STAC: variants seen among roughly 807,000 people sequenced by gnomAD.
STAC encodes the protein SH3 and cysteine rich domain.
STAC carries 43 observed loss-of-function variants against 48.8 expected under a neutral mutation model. The ratio of observed to expected loss-of-function variants is 0.88; its 90% confidence interval spans 0.69 to 1.14. The LOEUF is 1.14. Ranked by LOEUF, STAC falls within the 50% of genes most tolerant of loss-of-function variation. The pLI, the probability that STAC is intolerant of heterozygous loss-of-function variation, is 0.00. For missense variants in STAC, 497 were observed against 504.0 expected, an observed-to-expected ratio of 0.99 and a Z score of 0.13; for synonymous variants, 193 against 179.5, an observed-to-expected ratio of 1.07 and a Z score of -0.60.
chr3:36,439,870 C>G (rs764074267), intron 1 of STAC, among the ~76,000 whole-genome samples: 2 of 152,196 alleles, frequency 1.3e-5, no homozygotes, highest in Admixed American at 1.3e-4. Flanking sequence ...GACTCACTGC[C>G]CTGTATCCAT....
At chr3:36,531,538 T>C (rs1456604530) in intron 10 of STAC, among the ~76,000 whole-genome samples, 3 of 152,100 alleles carry the variant, frequency 2.0e-5, no homozygotes, top group Admixed American at 1.3e-4. Context: ...CATGGAACCA[T>C]AGTAAACCAG....
intron 1 of STAC, among the ~76,000 whole-genome samples, chr3:36,401,612 T>A (rs73057906): frequency 2.0e-5 from 3 of 152,124 alleles, no homozygotes; most frequent in African/African-American, 7.2e-5. Flanking sequence ...GGAACCTGCT[T>A]CCTCCCTGTC....
At chr3:36,502,692 A>G (rs1472651770) in intron 6 of STAC, among the ~76,000 whole-genome samples, 5 of 152,192 alleles carry the variant, frequency 3.3e-5, no homozygotes, top group African/African-American at 4.8e-5. Context: ...GTCCAGTTTT[A>G]TACTTAGGGA....
At chr3:36,501,341 CAAG>C (rs1280969342) in intron 6 of STAC, among the ~76,000 whole-genome samples, 2 of 151,860 alleles carry the variant, frequency 1.3e-5, no homozygotes, top group Non-Finnish European at 2.9e-5. Flanking sequence ...ATAATAAAGA[CAAG>C]AGCAGAAATT....
At position 36,528,720 on chromosome 3, in the gene STAC, A is replaced by G. The variant is rs777505345; in HGVS notation, c.945A>G (p.Leu315=). The change falls in exon 9 of 11, where the codon TTA becomes TTG. Residue 315 remains leucine (L), a synonymous_variant. Coordinates refer to ENST00000273183, the MANE Select transcript of STAC (RefSeq NM_003149.3). The stretch of plus-strand genomic sequence containing the variant: ...GGCCAGGAGACATAATTACTCTTTT[A>G]GAGGATTCCAATGAAGACTGGTGGA... The part of the protein sequence containing the change: ...EMRPGDIITL[L]EDSNEDWWKG... 11 of 1,605,784 alleles carry G rather than the reference A, an allele frequency of 6.9e-6. 1 individual carries two copies. Among genetic ancestry groups the G allele is most frequent in the South Asian group, 4.5e-5 (4 of 88,840 alleles).
At chr3:36,500,474 A>G (rs1032917814) in intron 6 of STAC, among the ~76,000 whole-genome samples, 1 of 152,154 alleles carries the variant, frequency 6.6e-6, no homozygotes, top group East Asian at 1.9e-4. Context: ...GGAGAGTATT[A>G]GGAAAAATAG....
chr3:36,399,614 G>A (rs1699960450), intron 1 of STAC, among the ~76,000 whole-genome samples: 1 of 152,150 alleles, frequency 6.6e-6, no homozygotes, highest in South Asian at 2.1e-4. Context: ...GAGGACAGGT[G>A]GCCCAGCTGC....
rs191141691 is a variant in STAC, at chr3:36,384,882, C to A, written c.111+4128C>A. On this transcript the variant is annotated intron_variant, in intron 1 of 10. Coordinates refer to ENST00000273183, the MANE Select transcript of STAC (RefSeq NM_003149.3). The stretch of plus-strand genomic sequence containing the variant: ...TGCCCTGAATCTCCCAGAAAGATTT[C>A]TGTGTCCATCTATCAGCAATTATTT... 9.3e-4 allele frequency among the ~76,000 whole-genome samples: 142 copies of A among 152,284 alleles called. 1 individual carries two copies. The highest frequency in any genetic ancestry group is 4.6e-4 in the Admixed American group (7 of 15,294).
intron 1 of STAC, among the ~76,000 whole-genome samples, chr3:36,401,308 G>T (rs888954699): frequency 6.6e-6 from 1 of 152,196 alleles, no homozygotes; most frequent in Non-Finnish European, 1.5e-5. Context: ...CACAGCATGA[G>T]CCTGCCTTTT....
At chr3:36,448,174 TTTTATTTTATTTTACTTTATTTTAC>T (rs1272204512) in intron 2 of STAC, among the ~76,000 whole-genome samples, 20 of 142,582 alleles carry the variant, frequency 1.4e-4, no homozygotes, top group Non-Finnish European at 2.3e-4. Flanking sequence ...TTTTATTTTA[TTTTATTTTATTTTACTTTATTTTAC>T]TTTATTTTAT....
At chr3:36,446,200 C>T (rs746123501) in intron 2 of STAC, among the ~76,000 whole-genome samples, 47 of 152,336 alleles carry the variant, frequency 3.1e-4, no homozygotes, top group Middle Eastern at 3.4e-3. Context: ...TTGCCTTCAA[C>T]ACACTGCTAC....
chr3:36,383,708 A>C (rs563916074), intron 1 of STAC, among the ~76,000 whole-genome samples: 1 of 152,220 alleles, frequency 6.6e-6, no homozygotes, highest in African/African-American at 2.4e-5. Context: ...CAGCATTCAA[A>C]GTTGTCCATG....
chr3:36,515,309 A>T (rs138054895), intron 8 of STAC, among the ~76,000 whole-genome samples: 37 of 152,324 alleles, frequency 2.4e-4, no homozygotes, highest in Middle Eastern at 3.4e-3. Flanking sequence ...GGGTGGCCTC[A>T]GAGAGTATAA....
intron 1 of STAC, among the ~76,000 whole-genome samples, chr3:36,441,776 T>C: frequency 6.6e-6 from 1 of 152,238 alleles, no homozygotes; most frequent in Admixed American, 6.5e-5. Flanking sequence ...TAACAGCCAT[T>C]GTAACTGGAG....
chr3:36,533,473 A>ATTTTTT (rs1699119660), intron 10 of STAC, among the ~76,000 whole-genome samples: 1 of 73,760 alleles, frequency 1.4e-5, no homozygotes, highest in African/African-American at 5.6e-5. Flanking sequence ...TCTTGCTAGC[A>ATTTTTT]TGTTTTTTTT....
At chr3:36,543,579 T>C (rs1346398690) in intron 10 of STAC, among the ~76,000 whole-genome samples, 3 of 152,188 alleles carry the variant, frequency 2.0e-5, no homozygotes, top group Non-Finnish European at 4.4e-5. Context: ...ATGTTTCTCT[T>C]CTACATAAAA....
chr3:36,531,874 A>G lies in STAC; in HGVS notation c.1110+2889A>G, dbSNP rs949085758. Among the ~76,000 whole-genome samples, 3 of 152,248 alleles carry G rather than the reference A, an allele frequency of 2.0e-5. 1 individual carries two copies. Among genetic ancestry groups the G allele is most frequent in the Admixed American group, 1.3e-4 (2 of 15,274 alleles). On this transcript the variant is annotated intron_variant, in intron 10 of 10. Coordinates refer to ENST00000273183, the MANE Select transcript of STAC (RefSeq NM_003149.3). ...AAATATTGTGTCACCATCTTAAATG[A>G]TCATAAACCATGAACAAATAAATAT...
intron 2 of STAC, among the ~76,000 whole-genome samples, chr3:36,445,547 A>G (rs1259627776): frequency 6.6e-6 from 1 of 152,164 alleles, no homozygotes; most frequent in Non-Finnish European, 1.5e-5. Flanking sequence ...GGGCTGGTGT[A>G]TGCTCTAACT....
At position 36,508,782 on chromosome 3, in the gene STAC, C is replaced by A. The variant is rs567826640; in HGVS notation, c.920+2948C>A. 9.2e-5 allele frequency among the ~76,000 whole-genome samples: 14 copies of A among 152,222 alleles called. No homozygotes were observed. The East Asian group carries it at 2.7e-3, about 29-fold the overall frequency. On this transcript the variant is annotated intron_variant, in intron 8 of 10. Transcript: ENST00000273183. The stretch of plus-strand genomic sequence containing the variant: ...TCCATTTGCTTGGTAAATATTCCTG[C>A]ATCCCTTTATTTTGAGCCTATGTGT...
Sources: gnomAD v4.1 joint callset for allele counts (sites outside exome capture counted in the v4.1 genomes callset) on GRCh38, gnomAD v4.1.1 for gene constraint, MANE v1.5 for transcripts, NCBI Gene and HGNC (gene_info 2026-07-23, HGNC 2026-07-21) for gene names.